The following PLD4 variants were observed in gnomAD, a reference collection of about 807,000 sequenced individuals.
PLD4 encodes the protein phospholipase D family member 4.
Under a neutral mutation model 52.3 loss-of-function variants are expected in PLD4, and 54 were observed. The observed-to-expected ratio is 1.03, with a 90% CI of 0.83 to 1.30. The LOEUF (loss-of-function observed/expected upper bound fraction) is 1.30. Among genes scored for constraint, PLD4 ranks in the 50% most tolerant of loss-of-function variants. The pLI is 0.00. For missense variants in PLD4, 731 were observed against 671.1 expected (o/e 1.09, Z -0.99); for synonymous variants, 264 against 286.5 (o/e 0.92, Z 0.79).
Position 104,932,786 on chromosome 14 carries a change from A to G in PLD4, c.1343A>G (p.Asp448Gly). 1.3e-6 allele frequency: 2 copies of G among 1,591,624 alleles called. No individual in the cohort carries two copies. Among genetic ancestry groups the G allele is most frequent in the South Asian group, 2.3e-5 (2 of 88,564 alleles). The part of the protein sequence containing the change: ...AYIGTSNWSE[D>G]YFSSTAGVGL... Reference sequence around the variant, plus strand: ...GCAGGCACCTCCAACTGGTCGGAGGATTACTTCAGCAGCACGGCGGGGGTG... The same window carrying G: ...GCAGGCACCTCCAACTGGTCGGAGGGTTACTTCAGCAGCACGGCGGGGGTG... The change falls in exon 11 of 11, where the codon GAT (aspartate) becomes GGT (glycine). Residue 448 changes from aspartate to glycine, a missense_variant. By Grantham distance (94) the Asp-to-Gly change is moderately conservative. Coordinates refer to ENST00000392593, the MANE Select transcript of PLD4 (RefSeq NM_138790.5). The surrounding 1 kb of genome is among the most constrained non-coding windows in gnomAD (Gnocchi z 6.5).
chr14:104,932,009 A>G lies in PLD4; in HGVS notation c.1059-3A>G. 6.3e-7 allele frequency: 1 copy of G among 1,582,272 alleles called. No individual in the cohort carries two copies. The highest frequency in any genetic ancestry group is 2.2e-5 in the East Asian group (1 of 44,462). On this transcript the variant is annotated splice_region_variant and splice_polypyrimidine_tract_variant and intron_variant, in intron 8 of 10. Transcript: ENST00000392593. The surrounding 1 kb of genome is among the most constrained non-coding windows in gnomAD (Gnocchi z 6.5). ...GCAGAGCCCCGTCCCTCCCCACCCCAAGGTACTGGCCGGTGCTGGACAACG... is the reference window on the plus strand; with the variant it reads ...GCAGAGCCCCGTCCCTCCCCACCCCGAGGTACTGGCCGGTGCTGGACAACG...
At chr14:104,931,432 G>A (rs991671524) in intron 7 of PLD4, among the ~76,000 whole-genome samples, 1 of 152,034 alleles carries the variant, frequency 6.6e-6, no homozygotes, top group Non-Finnish European at 1.5e-5. Context: ...CAGAACAAGG[G>A]AAGCCTCCCT....
chr14:104,932,269 T>C lies in PLD4; in HGVS notation c.1235T>C (p.Ile412Thr), dbSNP rs778655047. The change falls in exon 10 of 11, where the codon ATC becomes ACC. Residue 412 changes from isoleucine to threonine, a missense_variant. Ile to Thr is a moderately conservative substitution (Grantham distance 89, BLOSUM62 -1). Transcript: ENST00000392593. The surrounding 1 kb of genome is among the most constrained non-coding windows in gnomAD (Gnocchi z 6.5). ...ANVSVDVKVF[I>T]VPVGNHSNIP... ...CTCTGCTCCCCTAAGAAAGTCTTCATCGTGCCGGTGGGGAACCATTCCAAC... is the reference window on the plus strand; with the variant it reads ...CTCTGCTCCCCTAAGAAAGTCTTCACCGTGCCGGTGGGGAACCATTCCAAC... 2.5e-6 allele frequency: 4 copies of C among 1,612,554 alleles called. No homozygotes were observed. The highest frequency in any genetic ancestry group is 1.3e-5 in the African/African-American group (1 of 74,924).
Position 104,927,654 on chromosome 14 carries a change from C to T in PLD4, c.91-19C>T, listed in dbSNP as rs560235333. 1.7e-5 allele frequency: 27 copies of T among 1,550,984 alleles called. No individual in the cohort carries two copies. In the East Asian group the frequency reaches 1.9e-4, roughly 11 times the overall value. On this transcript the variant is annotated intron_variant, in intron 2 of 10. Transcript: ENST00000392593. ...AGCCCCGCCCTGTCTGGTGACCCTG[C>T]GGGTGCTGCCCCATCCAGTTGCAGG...
chr14:104,930,197 G>A, intron 6 of PLD4, 92 bp downstream of exon 6: 8 of 1,532,134 alleles, frequency 5.2e-6, no homozygotes, highest in Non-Finnish European at 7.1e-6. Context: ...AGTGCATCTG[G>A]AGAAAGTCGT....
Position 104,932,204 on chromosome 14 carries a change from G to A in PLD4, c.1224+27G>A. 10 of 1,612,144 alleles carry A rather than the reference G, an allele frequency of 6.2e-6. No homozygotes were observed. The highest frequency in any genetic ancestry group is 8.5e-6 in the Non-Finnish European group (10 of 1,179,566). On this transcript the variant is annotated intron_variant, in intron 9 of 10. Transcript: ENST00000392593. This position sits in a 1 kb window ranked among gnomAD's most constrained non-coding sequence, Gnocchi z 6.5. ...TGAGGGCGTGCTCCCGGCCGGGCGTGGGAAAGGCGGCCCTCCTGCCGCCCT... is the reference window on the plus strand; with the variant it reads ...TGAGGGCGTGCTCCCGGCCGGGCGTAGGAAAGGCGGCCCTCCTGCCGCCCT...
chr14:104,932,863 C>CAGG lies in PLD4; in HGVS notation c.1423_1425dup (p.Glu475dup), dbSNP rs1897704572. The CAGG allele has an allele frequency of 6.2e-7, 1 of 1,604,982 alleles. No homozygotes were observed. Among genetic ancestry groups the CAGG allele is most frequent in the South Asian group, 1.1e-5 (1 of 89,556 alleles). ...CGCGCAGCCCGCGGGGGCCACGGTG[C>CAGG]AGGAGCAGCTGCGGCAGCTCTTTGA... is the stretch of plus-strand genomic sequence containing the variant. On this transcript the variant is annotated inframe_insertion, in exon 11 of 11. Coordinates refer to ENST00000392593, the MANE Select transcript of PLD4 (RefSeq NM_138790.5). This position sits in a 1 kb window ranked among gnomAD's most constrained non-coding sequence, Gnocchi z 6.5.
In PLD4 at chr14:104,932,989, AC is replaced by A; in HGVS notation, c.*29del. 1.3e-6 allele frequency: 2 copies of A among 1,527,606 alleles called. No individual in the cohort carries two copies. Among genetic ancestry groups the A allele is most frequent in the Non-Finnish European group, 8.8e-7 (1 of 1,139,500 alleles). The allele number at this position is 1,527,606 out of a possible 1,614,324, so 94.6% of individuals were successfully genotyped here. On this transcript the variant is annotated 3_prime_UTR_variant, in exon 11 of 11. Coordinates refer to ENST00000392593, the MANE Select transcript of PLD4 (RefSeq NM_138790.5). The surrounding 1 kb of genome is among the most constrained non-coding windows in gnomAD (Gnocchi z 6.5). ...AGGGGGGCCTCTTTTTCTCTCGGCG[AC>A]CCCGCCCCGCACGCGCCCTCCCCTC...
chr14:104,932,698 C>T lies in PLD4; in HGVS notation c.1322-67C>T. On this transcript the variant is annotated intron_variant, in intron 10 of 10. Coordinates refer to ENST00000392593, the MANE Select transcript of PLD4 (RefSeq NM_138790.5). The surrounding 1 kb of genome is among the most constrained non-coding windows in gnomAD (Gnocchi z 6.5). ...TCCCCAAACCCGTAGCCGGGCCTGG[C>T]GCTGAGCGGGCTGCAGAGGGGCCTG... 7.0e-7 allele frequency: 1 copy of T among 1,418,972 alleles called. No individual in the cohort carries two copies. The highest frequency in any genetic ancestry group is 9.4e-7 in the Non-Finnish European group (1 of 1,065,064). 87.9% of individuals were successfully genotyped at this position (1,418,972 alleles called of 1,614,324 possible).
At chr14:104,928,962 T>G in intron 4 of PLD4, 30 bp downstream of exon 4, 1 of 1,568,060 alleles carries the variant, frequency 6.4e-7, no homozygotes, top group South Asian at 1.2e-5. Flanking sequence ...CACCGCATCC[T>G]GGTGCTGGAA....
At position 104,932,221 on chromosome 14, in the gene PLD4, T is replaced by C; in HGVS notation, c.1225-38T>C. 1 of 1,612,320 alleles carries C rather than the reference T, an allele frequency of 6.2e-7. No individual in the cohort carries two copies. The highest frequency in any genetic ancestry group is 1.3e-5 in the African/African-American group (1 of 75,040). The stretch of plus-strand genomic sequence containing the variant: ...CCGGGCGTGGGAAAGGCGGCCCTCC[T>C]GCCGCCCTTCCTGACGCGCTGCCTC... On this transcript the variant is annotated intron_variant, in intron 9 of 10. Coordinates refer to ENST00000392593, the MANE Select transcript of PLD4 (RefSeq NM_138790.5). This position sits in a 1 kb window ranked among gnomAD's most constrained non-coding sequence, Gnocchi z 6.5.
At position 104,932,207 on chromosome 14, in the gene PLD4, A is replaced by G. The variant is rs61745186; in HGVS notation, c.1224+30A>G. ...GGGCGTGCTCCCGGCCGGGCGTGGG[A>G]AAGGCGGCCCTCCTGCCGCCCTTCC... On this transcript the variant is annotated intron_variant, in intron 9 of 10. Coordinates refer to ENST00000392593, the MANE Select transcript of PLD4 (RefSeq NM_138790.5). The surrounding 1 kb of genome is among the most constrained non-coding windows in gnomAD (Gnocchi z 6.5). 0.03 allele frequency: 47,730 copies of G among 1,612,092 alleles called. 802 individuals carry two copies. Among genetic ancestry groups the G allele is most frequent in the Middle Eastern group, 0.05 (303 of 6,058 alleles).
Position 104,932,627 on chromosome 14 carries a change from T to C in PLD4, c.1322-138T>C. 1 of 957,060 alleles carries C rather than the reference T, an allele frequency of 1.0e-6. No homozygotes were observed. The highest frequency in any genetic ancestry group is 1.5e-6 in the Non-Finnish European group (1 of 652,430). 59.3% of individuals were successfully genotyped at this position (957,060 alleles called of 1,614,324 possible). On this transcript the variant is annotated intron_variant, in intron 10 of 10. Transcript: ENST00000392593. This position sits in a 1 kb window ranked among gnomAD's most constrained non-coding sequence, Gnocchi z 6.5. ...CCCTCCCGCACCTAAGCGAGGGGCT[T>C]CCCCGGCTGGAGTCTGATGACAGTG...
At chr14:104,935,784 A>G (rs1897793953), downstream of PLD4, 1 of 152,208 alleles carries the variant, frequency 6.6e-6, no homozygotes, top group Admixed American at 6.5e-5. Flanking sequence ...GCCCCCAACT[A>G]GCAAGAAACT....
Position 104,928,769 on chromosome 14 carries a change from T to TC in PLD4, c.310dup (p.Gln104ProfsTer43), listed in dbSNP as rs1353695687. ...CACAGGCTTGTCCTTGTGGAAAGCA[T>TC]CCCCCAGGACCTGCCATCTGCAGCC... On this transcript the variant is annotated frameshift_variant, in exon 4 of 11. Coordinates refer to ENST00000392593, the MANE Select transcript of PLD4 (RefSeq NM_138790.5). LOFTEE classifies it high-confidence loss of function. 1.9e-6 allele frequency: 3 copies of TC among 1,592,862 alleles called. No individual in the cohort carries two copies. The highest frequency in any genetic ancestry group is 1.1e-5 in the South Asian group (1 of 90,050).
In PLD4 at chr14:104,930,834, C is replaced by T; in HGVS notation, c.810C>T (p.Pro270=). ...AGACCTACTGGGTACTGGGGGTGCC[C>T]AAGGCTGTCCTCCCCAAAACCTGGC... ...TFQTYWVLGV[P]KAVLPKTWPQ... Residue 270 remains proline, a synonymous_variant, in exon 7 of 11, where the codon CCC becomes CCT. Transcript: ENST00000392593. 6.2e-7 allele frequency: 1 copy of T among 1,613,542 alleles called. No homozygotes were observed. Among genetic ancestry groups the T allele is most frequent in the Admixed American group, 1.7e-5 (1 of 60,036 alleles).
In PLD4 at chr14:104,931,831, C is replaced by G; in HGVS notation, c.1002C>G (p.Phe334Leu). The change falls in exon 8 of 11, where the codon TTC becomes TTG. Residue 334 changes from phenylalanine (F) to leucine (L), a missense_variant. By Grantham distance (22) the Phe-to-Leu change is conservative. Transcript: ENST00000392593. ...LLAVMGSAQE[F>L]IYASVMEYFP... is the part of the protein sequence containing the mutation. ...CGGTGATGGGGAGCGCCCAGGAGTT[C>G]ATCTATGCCTCCGTGATGGAGTATT... 6.4e-7 allele frequency: 1 copy of G among 1,569,168 alleles called. No homozygotes were observed. The highest frequency in any genetic ancestry group is 8.6e-7 in the Non-Finnish European group (1 of 1,156,076).
In PLD4 at chr14:104,928,867, G is replaced by C. The variant is rs3803295; in HGVS notation, c.403G>C (p.Val135Leu). The change falls in exon 4 of 11, where the codon GTG (valine) becomes CTG (leucine). Residue 135 changes from valine (V) to leucine (L), a missense_variant. By Grantham distance (32) the Val-to-Leu change is conservative. Transcript: ENST00000392593. Reference sequence around the variant, plus strand: ...GGACACTGCCCAGGAGAGCGTCCACGTGGCTTCATACTACTGGTCCCTCAC... The same window carrying C: ...GGACACTGCCCAGGAGAGCGTCCACCTGGCTTCATACTACTGGTCCCTCAC... ...LLDTAQESVHVASYYWSLTGP... is the reference protein window; with the variant it reads ...LLDTAQESVHLASYYWSLTGP... 6.2e-7 allele frequency: 1 copy of C among 1,612,312 alleles called. No homozygotes were observed. Among genetic ancestry groups the C allele is most frequent in the South Asian group, 1.1e-5 (1 of 91,070 alleles).
chr14:104,932,400 G>A lies in PLD4; in HGVS notation c.1321+45G>A. ...GGCGGGCGGGCCCCAGGGTGGCCAG[G>A]CACGGGCGAGGGAGGCACTGGCTTT... On this transcript the variant is annotated intron_variant, in intron 10 of 10. Transcript: ENST00000392593. This position sits in a 1 kb window ranked among gnomAD's most constrained non-coding sequence, Gnocchi z 6.5. The A allele has an allele frequency of 1.3e-6, 2 of 1,582,900 alleles. No individual in the cohort carries two copies. Among genetic ancestry groups the A allele is most frequent in the Non-Finnish European group, 1.7e-6 (2 of 1,154,536 alleles).
Sources: allele counts gnomAD v4.1 joint callset (sites outside exome capture counted in the v4.1 genomes callset), GRCh38; gene constraint gnomAD v4.1.1; non-coding constraint Gnocchi (gnomAD v3.1); transcripts MANE v1.5; gene names NCBI Gene and HGNC (gene_info 2026-07-23, HGNC 2026-07-21).